The following PPP2R2B variants were observed in gnomAD, a reference collection of about 807,000 sequenced individuals.
The protein encoded by PPP2R2B is protein phosphatase 2 regulatory subunit Bbeta.
In PPP2R2B, 5 loss-of-function variants were observed where a neutral mutation model predicts 46.0. The ratio of observed to expected loss-of-function variants is 0.11; its 90% CI spans 0.06 to 0.23. PPP2R2B has a LOEUF of 0.23. PPP2R2B is among the 10% of genes least tolerant of loss of function. The probability of loss-of-function intolerance (pLI) is 1.00; values close to 1 mark genes in which losing one functional copy is unlikely to be tolerated. For missense variants in PPP2R2B, 367 were observed against 575.0 expected (o/e 0.64, Z 3.70); for synonymous variants, 215 against 206.7 (o/e 1.04, Z -0.34).
At chr5:146,825,014 G>A (rs565279945) in intron 2 of PPP2R2B, among the ~76,000 whole-genome samples, 4 of 152,056 alleles carry the variant, frequency 2.6e-5, no homozygotes, top group East Asian at 1.9e-4. Context: ...GTGAGCCACC[G>A]CACCCAGCCA....
intron 2 of PPP2R2B, among the ~76,000 whole-genome samples, chr5:146,808,997 G>A (rs1299835449): frequency 2.0e-5 from 3 of 151,472 alleles, no homozygotes; most frequent in East Asian, 1.9e-4. Flanking sequence ...GTGTGTGTGC[G>A]CGCGCACCCA....
chr5:146,649,796 A>G (rs1775836070), intron 6 of PPP2R2B, among the ~76,000 whole-genome samples: 1 of 152,100 alleles, frequency 6.6e-6, no homozygotes, highest in Non-Finnish European at 1.5e-5. Flanking sequence ...TACTTACATT[A>G]TGGGGTTGTT....
chr5:146,963,193 T>C (rs922401011), intron 1 of PPP2R2B, among the ~76,000 whole-genome samples: 4 of 152,174 alleles, frequency 2.6e-5, no homozygotes, highest in Non-Finnish European at 5.9e-5. Flanking sequence ...TATAACCTGG[T>C]ATCAAATCAA....
At chr5:146,619,295 T>C (rs322505) in intron 7 of PPP2R2B, among the ~76,000 whole-genome samples, 3,675 of 138,852 alleles carry the variant, frequency 0.026, 147 homozygotes, top group African/African-American at 0.096. Flanking sequence ...CAAAACCCCG[T>C]CTCTACTAAA....
rs1183757474 is a variant in PPP2R2B, at chr5:146,900,586, C to CATT, written c.79+155078_79+155079insAAT. Among the ~76,000 whole-genome samples, 3 of 145,288 alleles carry CATT rather than the reference C, an allele frequency of 2.1e-5. 1 individual carries two copies. Among genetic ancestry groups the CATT allele is most frequent in the South Asian group, 4.6e-4 (2 of 4,306 alleles). ...TCCTTCCTTCCTTCCTTCCTTCCTT[C>CATT]CTTCCTTCTTTCCTTCTTTTCTTTC... On this transcript the variant is annotated intron_variant, in intron 1 of 8. Transcript: ENST00000336640.
In PPP2R2B at chr5:146,644,261, AAAG is replaced by A. The variant is rs771634993; in HGVS notation, c.626-5849_626-5847del. ...AAAAAAAAAAAAAAAAAAAAAAAAA[AAAG>A]AAGAAGAAAGATTCTTGGGTAAATC... On this transcript the variant is annotated intron_variant, in intron 6 of 9. Transcript: ENST00000394411. Among the ~76,000 whole-genome samples, 34 of 76,104 alleles carry A rather than the reference AAAG, an allele frequency of 4.5e-4. 1 individual carries two copies. Among genetic ancestry groups the A allele is most frequent in the African/African-American group, 1.5e-3 (34 of 21,944 alleles). 49.9% of individuals were successfully genotyped at this position (76,104 alleles called of 152,430 possible).
intron 5 of PPP2R2B, among the ~76,000 whole-genome samples, chr5:146,670,099 G>A (rs1448615091): frequency 6.6e-6 from 1 of 152,136 alleles, no homozygotes; most frequent in Non-Finnish European, 1.5e-5. Flanking sequence ...TCATAAGCAG[G>A]CAAAAACTCA....
chr5:147,026,538 C>T (rs975406650), intron 1 of PPP2R2B, among the ~76,000 whole-genome samples: 1 of 151,960 alleles, frequency 6.6e-6, no homozygotes, highest in Non-Finnish European at 1.5e-5. Context: ...GTGTATATAT[C>T]TCTCTATATA....
At chr5:147,029,766 G>A (rs1199044279) in intron 1 of PPP2R2B, among the ~76,000 whole-genome samples, 4 of 152,148 alleles carry the variant, frequency 2.6e-5, no homozygotes, top group Non-Finnish European at 5.9e-5. Flanking sequence ...GGCCATGTGA[G>A]GTCAGAGCAA....
chr5:146,791,152 A>G (rs185586888), intron 2 of PPP2R2B, among the ~76,000 whole-genome samples: 1 of 152,294 alleles, frequency 6.6e-6, no homozygotes, highest in Admixed American at 6.5e-5. Flanking sequence ...TAACACAAAA[A>G]GTAAGGAGTA....
At chr5:146,691,290 A>G (rs1440686529) in intron 4 of PPP2R2B, 50 bp from the exon 5 acceptor site, 5 of 1,528,496 alleles carry the variant, frequency 3.3e-6, no homozygotes, top group Non-Finnish European at 4.5e-6. Flanking sequence ...AAGCAAGCTC[A>G]TAAGGGAGTT....
chr5:147,022,880 A>G (rs987140457), intron 1 of PPP2R2B, among the ~76,000 whole-genome samples: 1 of 152,106 alleles, frequency 6.6e-6, no homozygotes, highest in African/African-American at 2.4e-5. Flanking sequence ...TCCCTCAAAA[A>G]TGAAGGCAAC....
chr5:146,962,091 G>GC (rs913429160), intron 1 of PPP2R2B, among the ~76,000 whole-genome samples: 3 of 145,838 alleles, frequency 2.1e-5, no homozygotes, highest in Non-Finnish European at 4.5e-5. Flanking sequence ...CAACATCCCT[G>GC]CCCCCATACT....
intron 6 of PPP2R2B, among the ~76,000 whole-genome samples, chr5:146,643,191 A>G (rs1581777921): frequency 2.0e-5 from 3 of 152,048 alleles, no homozygotes; most frequent in Admixed American, 2.0e-4. Flanking sequence ...CACGAGAGAG[A>G]GAGAGAGAGA....
chr5:146,753,177 A>T (rs1364786107), intron 2 of PPP2R2B, among the ~76,000 whole-genome samples: 1 of 152,216 alleles, frequency 6.6e-6, no homozygotes, highest in Non-Finnish European at 1.5e-5. Context: ...TTATCATGAC[A>T]CATGTGGGTA....
intron 2 of PPP2R2B, among the ~76,000 whole-genome samples, chr5:146,858,480 C>T (rs1760802319): frequency 6.6e-6 from 1 of 152,046 alleles, no homozygotes; most frequent in Non-Finnish European, 1.5e-5. Flanking sequence ...TACATAGGGG[C>T]AACTGCAGTT....
At chr5:146,985,017 C>CTTTTTTTTTTTTTT (rs34277498) in intron 1 of PPP2R2B, among the ~76,000 whole-genome samples, 1 of 99,492 alleles carries the variant, frequency 1.0e-5, no homozygotes, top group African/African-American at 3.6e-5. Flanking sequence ...TTTTCTTTTT[C>CTTTTTTTTTTTTTT]TTTTTTTTTT....
intron 5 of PPP2R2B, among the ~76,000 whole-genome samples, chr5:146,667,344 A>G (rs1049083341): frequency 1.7e-4 from 17 of 101,656 alleles, no homozygotes; most frequent in African/African-American, 6.7e-4. Context: ...ACACACACAC[A>G]CACACACACA....
At chr5:146,865,702 A>T (rs918167224) in intron 2 of PPP2R2B, among the ~76,000 whole-genome samples, 10 of 152,130 alleles carry the variant, frequency 6.6e-5, no homozygotes, top group African/African-American at 1.9e-4. Flanking sequence ...ATGTGTGAGG[A>T]CTCTAATGAG....
Sources: gnomAD v4.1 joint callset for allele counts (sites outside exome capture counted in the v4.1 genomes callset) on GRCh38, gnomAD v4.1.1 for gene constraint, MANE v1.5 for transcripts, NCBI Gene and HGNC (gene_info 2026-07-23, HGNC 2026-07-21) for gene names.